The following CAPS2 variants were observed in gnomAD, a reference collection of about 807,000 sequenced individuals.
CAPS2 encodes the protein calcyphosine 2.
In CAPS2, 98 loss-of-function variants were observed where a neutral mutation model predicts 86.5. The observed-to-expected ratio is 1.13, with a 90% CI of 0.96 to 1.34. CAPS2 has a LOEUF of 1.34. Ranked by LOEUF, CAPS2 falls within the 40% of genes most tolerant of loss-of-function variation. The pLI, the probability that CAPS2 is intolerant of heterozygous loss-of-function variation, is 0.00. For synonymous variants in CAPS2, 210 were observed against 225.1 expected, an observed-to-expected ratio of 0.93 and a Z score of 0.60; for missense variants, 729 against 686.8, an observed-to-expected ratio of 1.06 and a Z score of -0.69.
At chr12:75,330,508 A>C (rs1437376175), upstream of CAPS2, among the ~76,000 whole-genome samples, 1 of 152,246 alleles carries the variant, frequency 6.6e-6, no homozygotes, top group Non-Finnish European at 1.5e-5. Flanking sequence ...GCCCAGAATG[A>C]CGTTTTGAGG....
At chr12:75,328,931 T>A (rs1484878257), upstream of CAPS2, among the ~76,000 whole-genome samples, 1 of 152,194 alleles carries the variant, frequency 6.6e-6, no homozygotes, top group Non-Finnish European at 1.5e-5. Flanking sequence ...CACTTTCGGA[T>A]CTATGGAATT....
intron 5 of CAPS2, 52 bp from the exon 6 acceptor site, chr12:75,316,486 T>C: frequency 6.9e-7 from 1 of 1,442,056 alleles, no homozygotes; most frequent in Non-Finnish European, 9.2e-7. Context: ...AGAATGTTTG[T>C]TTTTAACAAA....
intron 1 of CAPS2, among the ~76,000 whole-genome samples, chr12:75,341,747 C>CTTTTTTT (rs1185408752): frequency 4.3e-4 from 36 of 83,402 alleles, no homozygotes; most frequent in African/African-American, 1.7e-3. Flanking sequence ...CGCCCGGCCT[C>CTTTTTTT]TTTTTTTTTT....
intron 7 of CAPS2, among the ~76,000 whole-genome samples, chr12:75,309,183 G>A (rs1158491921): frequency 6.6e-6 from 1 of 152,102 alleles, no homozygotes; most frequent in Non-Finnish European, 1.5e-5. Context: ...CTAGAGATTA[G>A]GCATCCTTGG....
downstream of CAPS2, chr12:75,276,280 T>C: frequency 2.0e-6 from 3 of 1,530,234 alleles, no homozygotes; most frequent in Non-Finnish European, 2.6e-6. Context: ...AGGGTACATG[T>C]TTTATATTTG....
At chr12:75,277,783 A>T (rs2033185912) in exon 17 of CAPS2, 2 of 813,854 alleles carry the variant, frequency 2.5e-6, no homozygotes. Flanking sequence ...TGTTATATTA[A>T]CATAGAAAAT....
exon 10 of CAPS2, chr12:75,298,957 A>C: frequency 6.3e-7 from 1 of 1,581,510 alleles, no homozygotes; most frequent in Non-Finnish European, 8.6e-7. Context: ...TGCAAGCATC[A>C]CGTCCATTAC....
At chr12:75,342,898 A>C (rs770597079) in intron 1 of CAPS2, among the ~76,000 whole-genome samples, 4 of 152,010 alleles carry the variant, frequency 2.6e-5, no homozygotes, top group African/African-American at 4.8e-5. Flanking sequence ...TCACTTATTA[A>C]ATTTATTTAT....
chr12:75,324,905 A>G (rs1179506918), intron 2 of CAPS2, among the ~76,000 whole-genome samples: 3 of 152,130 alleles, frequency 2.0e-5, no homozygotes, highest in Non-Finnish European at 2.9e-5. Context: ...TGCCAACTAA[A>G]TGAATTATAC....
At chr12:75,277,638 C>A (rs2033162444) in exon 17 of CAPS2, 1 of 984,702 alleles carries the variant, frequency 1.0e-6, no homozygotes, top group Non-Finnish European at 1.2e-6. Context: ...AAAAGTGCAA[C>A]TTTGAATTTG....
chr12:75,284,108 A>G (rs1289984943), intron 15 of CAPS2, among the ~76,000 whole-genome samples: 1 of 152,136 alleles, frequency 6.6e-6, no homozygotes, highest in Non-Finnish European at 1.5e-5. Flanking sequence ...TATGAAAGAG[A>G]CAAGCCTCCA....
upstream of CAPS2, among the ~76,000 whole-genome samples, chr12:75,332,972 C>CA (rs1386106581): frequency 6.6e-6 from 1 of 152,104 alleles, no homozygotes; most frequent in East Asian, 1.9e-4. Context: ...ACAGCAAGTG[C>CA]AAAGATGCTG....
chr12:75,352,064 C>T lies in CAPS2; in HGVS notation c.-394-28842G>A, dbSNP rs139825553. ...TCACTACAAAAAACATGCTGAAGTACACAAACCAACAACACTATGAAGCAA... is the reference window on the plus strand; with the variant it reads ...TCACTACAAAAAACATGCTGAAGTATACAAACCAACAACACTATGAAGCAA... On this transcript the variant is annotated intron_variant, in intron 1 of 5. Transcript: ENST00000551829. Among the ~76,000 whole-genome samples, 17 of 152,256 alleles carry T rather than the reference C, an allele frequency of 1.1e-4. No homozygotes were observed. In the East Asian group the frequency reaches 2.7e-3, roughly 24 times the overall value.
chr12:75,334,436 C>G, upstream of CAPS2: 1 of 1,192,522 alleles, frequency 8.4e-7, no homozygotes, highest in South Asian at 2.8e-5. Flanking sequence ...CAGACGCGCT[C>G]TGCAGATTAC....
chr12:75,350,365 T>C (rs1786436211), intron 1 of CAPS2, among the ~76,000 whole-genome samples: 1 of 152,214 alleles, frequency 6.6e-6, no homozygotes, highest in African/African-American at 2.4e-5. Flanking sequence ...CTTATTTAAG[T>C]GGGTCCTTTA....
chr12:75,383,350 C>T (rs1479667194), intron 1 of CAPS2, among the ~76,000 whole-genome samples: 1 of 152,136 alleles, frequency 6.6e-6, no homozygotes, highest in African/African-American at 2.4e-5. Context: ...TAAAATCTAG[C>T]TTTACAACAC....
At chr12:75,306,064 ACGTGCTGCG>A in intron 7 of CAPS2, 1 of 1,472,214 alleles carries the variant, frequency 6.8e-7, no homozygotes, top group Non-Finnish European at 9.4e-7. Flanking sequence ...GCCGTCTAGA[ACGTGCTGCG>A]CGTCCTGGGG....
intron 16 of CAPS2, among the ~76,000 whole-genome samples, chr12:75,279,664 A>C (rs1321160741): frequency 2.0e-5 from 3 of 152,034 alleles, no homozygotes; most frequent in Non-Finnish European, 4.4e-5. Context: ...AATATTAAGA[A>C]GTTTGCTTTC....
intron 1 of CAPS2, 129 bp downstream of exon 2, chr12:75,326,289 A>G: frequency 2.3e-6 from 1 of 432,034 alleles, no homozygotes; most frequent in East Asian, 3.2e-5. Context: ...TGGTGGTTCC[A>G]TTCTTCAAAT....
Sources: gnomAD v4.1 joint callset for allele counts (sites outside exome capture counted in the v4.1 genomes callset) on GRCh38, gnomAD v4.1.1 for gene constraint, MANE v1.5 for transcripts, NCBI Gene and HGNC (gene_info 2026-07-23, HGNC 2026-07-21) for gene names.